NAALADL2: variants seen among roughly 807,000 people sequenced by gnomAD.
NAALADL2 encodes inactive N-acetylated-alpha-linked acidic dipeptidase-like protein 2.
A neutral mutation model predicts 87.2 loss-of-function variants in NAALADL2; 76 were observed. The ratio of observed to expected loss-of-function variants is 0.87; its 90% CI spans 0.72 to 1.05. The LOEUF (loss-of-function observed/expected upper bound fraction) is 1.05, where lower values mean the gene tolerates loss of function less well. Ranked by LOEUF, NAALADL2 falls within the 50% of genes least tolerant of loss-of-function variation. The pLI is 0.00. For missense variants in NAALADL2, 1,089 were observed against 945.8 expected, an observed-to-expected ratio of 1.15 and a Z score of -1.99; for synonymous variants, 354 against 331.0, an observed-to-expected ratio of 1.07 and a Z score of -0.75.
At chr3:174,835,043 AATAC>A (rs144217381) in intron 3 of NAALADL2, among the ~76,000 whole-genome samples, 5,681 of 152,070 alleles carry the variant, frequency 0.037, 104 homozygotes, top group Middle Eastern at 0.088. Context: ...TTCTAATTTT[AATAC>A]ATACTATAGA....
intron 11 of NAALADL2, among the ~76,000 whole-genome samples, chr3:175,724,962 T>C (rs909461579): frequency 6.6e-6 from 1 of 152,052 alleles, no homozygotes; most frequent in Non-Finnish European, 1.5e-5. Context: ...TGTGATTGCT[T>C]TCATTTATTA....
intron 2 of NAALADL2, among the ~76,000 whole-genome samples, chr3:175,168,912 A>T (rs1734380237): frequency 6.6e-6 from 1 of 151,878 alleles, no homozygotes; most frequent in Non-Finnish European, 1.5e-5. Flanking sequence ...TTGTCCTCAA[A>T]TAAGATCAAA....
chr3:175,199,864 A>ATTTTTTTT lies in NAALADL2; in HGVS notation c.546-34046_546-34039dup, dbSNP rs869050569. On this transcript the variant is annotated intron_variant, in intron 2 of 13. Transcript: ENST00000454872. The stretch of plus-strand genomic sequence containing the variant: ...TATATATATATATATATATATATAT[A>ATTTTTTTT]TTTTTTTTTTTTTTTTTTTTTTTTT... 6.9e-4 allele frequency among the ~76,000 whole-genome samples: 9 copies of ATTTTTTTT among 13,044 alleles called. 1 individual carries two copies. The highest frequency in any genetic ancestry group is 1.5e-3 in the Admixed American group (1 of 652). The allele number at this position is 13,044 out of a possible 152,430, so 8.6% of individuals were successfully genotyped here. A position where few individuals can be genotyped will look rare whatever the true frequency, so the allele number is the denominator to read the frequency against.
intron 2 of NAALADL2, among the ~76,000 whole-genome samples, chr3:175,224,803 T>C (rs1343937303): frequency 1.3e-5 from 2 of 152,220 alleles, no homozygotes; most frequent in East Asian, 1.9e-4. Flanking sequence ...CCAAAATGTG[T>C]AACATGCTTC....
chr3:175,066,448 A>C (rs549455605), intron 1 of NAALADL2, among the ~76,000 whole-genome samples: 1 of 152,208 alleles, frequency 6.6e-6, no homozygotes, highest in African/African-American at 2.4e-5. Flanking sequence ...TCAGTGCTCT[A>C]TCCAGCACCT....
intron 1 of NAALADL2, among the ~76,000 whole-genome samples, chr3:174,441,920 G>T (rs922849889): frequency 2.0e-5 from 3 of 152,028 alleles, no homozygotes; most frequent in Non-Finnish European, 4.4e-5. Flanking sequence ...GGATTAAGTT[G>T]CTGGACTGAA....
chr3:175,466,936 G>A, intron 7 of NAALADL2, 43 bp from the exon 8 acceptor site: 1 of 1,446,398 alleles, frequency 6.9e-7, no homozygotes, highest in East Asian at 2.3e-5. Flanking sequence ...TATTGTTAAG[G>A]TTTACATTTT....
rs139101238 is a variant in NAALADL2, at chr3:175,547,670, T to G, written c.1654-28371T>G. On this transcript the variant is annotated intron_variant, in intron 9 of 13. Transcript: ENST00000454872. ...TTTGCAAATTTTGCTTCTGACAAAGTTCTAATATCCAGCATCTATAAGGAA... is the reference window on the plus strand; with the variant it reads ...TTTGCAAATTTTGCTTCTGACAAAGGTCTAATATCCAGCATCTATAAGGAA... Among the ~76,000 whole-genome samples the G allele has an allele frequency of 8.6e-3, 1,308 of 152,054 alleles. 24 individuals are homozygous for G. Among genetic ancestry groups the G allele is most frequent in the African/African-American group, 0.03 (1,243 of 41,522 alleles).
chr3:175,614,343 C>G (rs1375492292), intron 10 of NAALADL2, among the ~76,000 whole-genome samples: 1 of 152,190 alleles, frequency 6.6e-6, no homozygotes, highest in Non-Finnish European at 1.5e-5. Context: ...GAGCCACCAC[C>G]CTCGGCCTGG....
At chr3:175,016,211 G>T (rs1395572790) in intron 1 of NAALADL2, among the ~76,000 whole-genome samples, 1 of 149,110 alleles carries the variant, frequency 6.7e-6, no homozygotes. Context: ...AATATATAGA[G>T]TTCTTACCAT....
chr3:175,804,419 C>G lies in NAALADL2; in HGVS notation c.*1216C>G, dbSNP rs920496363. ...TGGAAAACTAAGCTTTTTATATTGACATTGCCATTGAATAGCTCTAGCAAC... is the reference window on the plus strand; with the variant it reads ...TGGAAAACTAAGCTTTTTATATTGAGATTGCCATTGAATAGCTCTAGCAAC... On this transcript the variant is annotated 3_prime_UTR_variant, in exon 14 of 14. Coordinates refer to ENST00000454872, the MANE Select transcript of NAALADL2 (RefSeq NM_207015.3). 2 of 151,776 alleles carry G rather than the reference C, an allele frequency of 1.3e-5. No homozygotes were observed. Among genetic ancestry groups the G allele is most frequent in the African/African-American group, 4.8e-5 (2 of 41,390 alleles). 9.4% of individuals were successfully genotyped at this position (151,776 alleles called of 1,614,324 possible).
chr3:174,505,425 G>A (rs954270973), intron 1 of NAALADL2, among the ~76,000 whole-genome samples: 9 of 152,192 alleles, frequency 5.9e-5, no homozygotes, highest in African/African-American at 1.9e-4. Context: ...GTCATGGTTA[G>A]TGAAGATCAA....
rs185726863 is a variant in NAALADL2, at chr3:175,554,792, A to C, written c.1654-21249A>C. On this transcript the variant is annotated intron_variant, in intron 9 of 13. Transcript: ENST00000454872. Reference sequence around the variant, plus strand: ...TAACTTAAGATAAAAAATACTGCTTAAAGTGAAAAATAATAAACACAGCTG... The same window carrying C: ...TAACTTAAGATAAAAAATACTGCTTCAAGTGAAAAATAATAAACACAGCTG... 5.5e-3 allele frequency among the ~76,000 whole-genome samples: 833 copies of C among 152,278 alleles called. 7 individuals are homozygous for C. The highest frequency in any genetic ancestry group is 0.019 in the African/African-American group (796 of 41,570).
rs371164158 is a variant in NAALADL2 at position 175,397,301 on chromosome 3, T to A, written c.1091-49928T>A. 7 of 152,296 alleles carry A rather than the reference T, an allele frequency of 4.6e-5. No homozygotes were observed. In the East Asian group the frequency reaches 1.4e-3, roughly 29 times the overall value. 9.4% of individuals were successfully genotyped at this position (152,296 alleles called of 1,614,324 possible). A position where few individuals can be genotyped will look rare whatever the true frequency, so the allele number is the denominator to read the frequency against. On this transcript the variant is annotated intron_variant, in intron 5 of 13. Coordinates refer to ENST00000454872, the MANE Select transcript of NAALADL2 (RefSeq NM_207015.3). ...TCCTTTCACAGAGGCCATGCTAATCTTCTCTGTATCATTCCAATTATAGTA... is the reference window on the plus strand; with the variant it reads ...TCCTTTCACAGAGGCCATGCTAATCATCTCTGTATCATTCCAATTATAGTA...
At chr3:175,062,194 A>G (rs1713643255) in intron 1 of NAALADL2, among the ~76,000 whole-genome samples, 1 of 152,300 alleles carries the variant, frequency 6.6e-6, no homozygotes, top group Non-Finnish European at 1.5e-5. Flanking sequence ...TAATAGAGAC[A>G]GCAACTTAAT....
chr3:175,340,586 G>C (rs1762468547), intron 5 of NAALADL2, among the ~76,000 whole-genome samples: 1 of 152,120 alleles, frequency 6.6e-6, no homozygotes, highest in Non-Finnish European at 1.5e-5. Context: ...TCTCAGCAGG[G>C]AGTGTTGGGA....
chr3:175,717,786 T>C (rs1033530247), intron 11 of NAALADL2, among the ~76,000 whole-genome samples: 1 of 149,564 alleles, frequency 6.7e-6, no homozygotes, highest in African/African-American at 2.5e-5. Context: ...AGTCTAACAG[T>C]GACCTCAAGA....
At chr3:175,296,124 T>C (rs961921420) in intron 4 of NAALADL2, among the ~76,000 whole-genome samples, 1 of 152,240 alleles carries the variant, frequency 6.6e-6, no homozygotes, top group African/African-American at 2.4e-5. Flanking sequence ...ATATAGTCCA[T>C]AACTAACTTC....
intron 10 of NAALADL2, among the ~76,000 whole-genome samples, chr3:175,612,148 C>T (rs1176235983): frequency 6.6e-6 from 1 of 152,042 alleles, no homozygotes; most frequent in Non-Finnish European, 1.5e-5. Flanking sequence ...ATAATTTATC[C>T]AGCGACATCT....
Sources: gnomAD v4.1 joint callset for allele counts (sites outside exome capture counted in the v4.1 genomes callset) on GRCh38, gnomAD v4.1.1 for gene constraint, MANE v1.5 for transcripts, NCBI Gene and HGNC (gene_info 2026-07-23, HGNC 2026-07-21) for gene names.